DLG5: variants seen among roughly 807,000 people sequenced by gnomAD.
DLG5 encodes the protein discs large MAGUK scaffold protein 5, also known as disks large homolog 5.
A neutral mutation model predicts 189.8 loss-of-function variants in DLG5; 48 were observed. That is an observed-to-expected ratio of 0.25 (90% CI 0.20 to 0.32). The LOEUF (loss-of-function observed/expected upper bound fraction) is 0.32. DLG5 is among the 10% of genes least tolerant of loss of function. The pLI is 1.00. For synonymous variants in DLG5, 1,016 were observed against 1,054.1 expected (o/e 0.96, Z 0.70); for missense variants, 2,160 against 2,544.7 (o/e 0.85, Z 3.25).
intron 2 of DLG5, among the ~76,000 whole-genome samples, chr10:77,857,594 T>A (rs1844297261): frequency 6.6e-6 from 1 of 152,152 alleles, no homozygotes; most frequent in Non-Finnish European, 1.5e-5. Flanking sequence ...TCAACCACCC[T>A]AGGACTGAGT....
rs564999141 is a variant in DLG5, at chr10:77,905,269, G to C, written c.304+20948C>G. ...TCCCACCTCGGCCTCCAAAAGTGCT[G>C]GGATTACAGGCATGAGTCACCTCAT... is the stretch of plus-strand genomic sequence containing the variant. On this transcript the variant is annotated intron_variant, in intron 1 of 31. Coordinates refer to ENST00000372391, the MANE Select transcript of DLG5 (RefSeq NM_004747.4). 2.4e-3 allele frequency among the ~76,000 whole-genome samples: 366 copies of C among 152,192 alleles called. 5 individuals carry two copies. Among genetic ancestry groups the C allele is most frequent in the Non-Finnish European group, 3.5e-3 (235 of 68,014 alleles).
chr10:77,806,984 C>G, intron 25 of DLG5, 56 bp from the exon 26 acceptor site: 2 of 1,574,476 alleles, frequency 1.3e-6, no homozygotes, highest in Non-Finnish European at 1.7e-6. Context: ...CAAGGACGAA[C>G]CAGGTGCCTT....
chr10:77,839,554 G>A (rs774587569), intron 7 of DLG5, among the ~76,000 whole-genome samples: 2 of 152,098 alleles, frequency 1.3e-5, no homozygotes, highest in Non-Finnish European at 2.9e-5. Flanking sequence ...ACACGGGCTC[G>A]CTGTTATTCC....
intron 2 of DLG5, among the ~76,000 whole-genome samples, chr10:77,857,250 A>G (rs1046434145): frequency 1.3e-5 from 2 of 152,108 alleles, no homozygotes; most frequent in African/African-American, 2.4e-5. Context: ...GCTGTTACCC[A>G]CCACTAAGCC....
chr10:77,913,395 C>A (rs1200969277), intron 1 of DLG5, among the ~76,000 whole-genome samples: 1 of 152,176 alleles, frequency 6.6e-6, no homozygotes. Context: ...AAAATGACAT[C>A]TTTGAGACAA....
rs565027490 is a variant in DLG5 at position 77,804,065 on chromosome 10, A to AT, written c.5164+1599dup. On this transcript the variant is annotated intron_variant, in intron 27 of 31. Transcript: ENST00000372391. ...GCCACCACACCAGGCTAATTTTTGT[A>AT]TTTTTTAGTAGAGATGGGGTTTCAC... 1.1e-4 allele frequency among the ~76,000 whole-genome samples: 16 copies of AT among 151,890 alleles called. 1 individual carries two copies. Among genetic ancestry groups the AT allele is most frequent in the Middle Eastern group, 6.8e-3 (2 of 294 alleles).
chr10:77,918,836 T>C (rs539642443), intron 1 of DLG5, among the ~76,000 whole-genome samples: 1 of 152,242 alleles, frequency 6.6e-6, no homozygotes, highest in East Asian at 1.9e-4. Context: ...GTGGCTCACA[T>C]CTTCCCAGGG....
chr10:77,924,483 A>G (rs1846627748), intron 1 of DLG5, among the ~76,000 whole-genome samples: 1 of 152,224 alleles, frequency 6.6e-6, no homozygotes, highest in Non-Finnish European at 1.5e-5. Context: ...ATGCTTCCCA[A>G]CGCAGACTTC....
At position 77,817,069 on chromosome 10, in the gene DLG5, G is replaced by A. The variant is rs373592990; in HGVS notation, c.3812C>T (p.Ala1271Val). 3.2e-5 allele frequency: 51 copies of A among 1,613,988 alleles called. No homozygotes were observed. The highest frequency in any genetic ancestry group is 1.0e-4 in the Admixed American group (6 of 59,990). The change falls in exon 19 of 32, where the codon GCG (alanine) becomes GTG (valine). Residue 1271 changes from alanine (A) to valine (V), a missense_variant. This residue lies in a region of DLG5 where 754 missense variants were observed against 746.5 expected (regional missense o/e 1.01). Coordinates refer to ENST00000372391, the MANE Select transcript of DLG5 (RefSeq NM_004747.4). ...LGSSSNLQFKAERIKIPSTPR... is the reference protein window; with the variant it reads ...LGSSSNLQFKVERIKIPSTPR... ...TGTTGATGGGATTTTAATGCGTTCC[G>A]CCTTGAACTGCAAGTTACTCGAAGA...
intron 1 of DLG5, among the ~76,000 whole-genome samples, chr10:77,922,158 C>G (rs991301631): frequency 6.6e-6 from 1 of 152,208 alleles, no homozygotes; most frequent in Admixed American, 6.5e-5. Flanking sequence ...CGGCCCCTGT[C>G]TACACCCCAG....
rs377440700 is a variant in DLG5 at position 77,821,211 on chromosome 10, C to A, written c.3273G>T (p.Lys1091Asn). 4.9e-5 allele frequency: 79 copies of A among 1,614,136 alleles called. No individual in the cohort carries two copies. Among genetic ancestry groups the A allele is most frequent in the Admixed American group, 2.3e-4 (14 of 60,034 alleles). ...GDGDSSHLPA[K>N]KSCDEDLTSQ... The stretch of plus-strand genomic sequence containing the variant: ...AGGTGAGGTCCTCATCACAGGATTT[C>A]TTGGCCGGCAGGTGGGAGGAGTCCC... The change falls in exon 15 of 32, where the codon AAG becomes AAT. Residue 1091 changes from lysine (K) to asparagine (N), a missense_variant. Coordinates refer to ENST00000372391, the MANE Select transcript of DLG5 (RefSeq NM_004747.4).
chr10:77,811,898 G>T (rs1841791263), intron 22 of DLG5, 26 bp downstream of exon 22: 2 of 1,590,930 alleles, frequency 1.3e-6, no homozygotes, highest in African/African-American at 2.7e-5. Context: ...CCCCAGCCCA[G>T]ACGGCCCTGG....
At chr10:77,829,641 C>T (rs1842808504) in intron 11 of DLG5, 111 bp from the exon 12 acceptor site, 2 of 1,293,458 alleles carry the variant, frequency 1.5e-6, no homozygotes, top group Non-Finnish European at 2.1e-6. Flanking sequence ...GCCTCACATA[C>T]ACGCTCAGAA....
chr10:77,798,296 G>A (rs1841026979), intron 27 of DLG5, among the ~76,000 whole-genome samples: 1 of 152,190 alleles, frequency 6.6e-6, no homozygotes, highest in Non-Finnish European at 1.5e-5. Context: ...TTTAAAACTG[G>A]AGGAGGGTTT....
chr10:77,859,551 TG>T (rs1222302295), intron 2 of DLG5, among the ~76,000 whole-genome samples: 1 of 152,336 alleles, frequency 6.6e-6, no homozygotes, highest in African/African-American at 2.4e-5. Flanking sequence ...GTGTTACAAC[TG>T]GCTACCGTAG....
intron 3 of DLG5, among the ~76,000 whole-genome samples, chr10:77,854,999 CTAAATAAATAAA>C (rs528937210): frequency 6.6e-6 from 1 of 151,730 alleles, no homozygotes; most frequent in African/African-American, 2.4e-5. Flanking sequence ...AAAATAATTA[CTAAATAAATAAA>C]TAAATAAATA....
chr10:77,928,194 G>A (rs1226777735), upstream of DLG5: 1 of 152,222 alleles, frequency 6.6e-6, no homozygotes, highest in Non-Finnish European at 1.5e-5. Flanking sequence ...TTTGTCCTTA[G>A]GAAAAATGGT....
In DLG5 at chr10:77,926,365, C is replaced by T. The variant is rs1205841481; in HGVS notation, c.156G>A (p.Lys52=). 1 of 1,600,584 alleles carries T rather than the reference C, an allele frequency of 6.2e-7. No homozygotes were observed. Among genetic ancestry groups the T allele is most frequent in the Non-Finnish European group, 8.5e-7 (1 of 1,175,442 alleles). The change falls in exon 1 of 32, where the codon AAG becomes AAA. Residue 52 remains lysine, a synonymous_variant. Transcript: ENST00000372391. This position sits in a 1 kb window ranked among gnomAD's most constrained non-coding sequence, Gnocchi z 5.2. ...RQLDEEAGGA[K]AELLLKLLLA... ...AGAGCAGCTTGAGCAGCAGCTCCGCCTTGGCGCCTCCCGCCTCCTCGTCCA... is the reference window on the plus strand; with the variant it reads ...AGAGCAGCTTGAGCAGCAGCTCCGCTTTGGCGCCTCCCGCCTCCTCGTCCA...
At chr10:77,824,150 T>A (rs937475071) in intron 14 of DLG5, among the ~76,000 whole-genome samples, 1 of 152,188 alleles carries the variant, frequency 6.6e-6, no homozygotes, top group African/African-American at 2.4e-5. Flanking sequence ...TTCCCTAAGA[T>A]CATCTAATTA....
Sources: allele counts gnomAD v4.1 joint callset (sites outside exome capture counted in the v4.1 genomes callset), GRCh38; gene constraint gnomAD v4.1.1; regional missense constraint gnomAD v4.1.1; non-coding constraint Gnocchi (gnomAD v3.1); transcripts MANE v1.5; gene names NCBI Gene and HGNC (gene_info 2026-07-23, HGNC 2026-07-21).